Variants in ATP10B observed in about 807,000 individuals in gnomAD.
ATP10B encodes phospholipid-transporting ATPase VB.
In ATP10B, 122 loss-of-function variants were observed where a neutral mutation model predicts 141.2. That is an observed-to-expected ratio of 0.86 (90% CI 0.75 to 1.00). The LOEUF is 1.00. ATP10B is among the 50% of genes least tolerant of loss of function. The probability of loss-of-function intolerance (pLI) is 0.00; values close to 1 mark genes in which losing one functional copy is unlikely to be tolerated. For synonymous variants in ATP10B, 685 were observed against 692.0 expected (o/e 0.99, Z 0.16); for missense variants, 1,876 against 1,825.3 (o/e 1.03, Z -0.51).
the ATP10B span, among the ~76,000 whole-genome samples, chr5:160,866,953 CTG>C: frequency 6.6e-6 from 1 of 152,014 alleles, no homozygotes; most frequent in African/African-American, 2.4e-5. Context: ...GACCAAAAAG[CTG>C]TGTTTCATTA....
At chr5:160,599,049 G>A (rs1172301105) in intron 21 of ATP10B, 79 bp from the exon 22 acceptor site, 7 of 1,376,354 alleles carry the variant, frequency 5.1e-6, no homozygotes, top group South Asian at 3.7e-5. Context: ...ACCTCTGGGA[G>A]CTGCTGGAGT....
intron 2 of ATP10B, among the ~76,000 whole-genome samples, chr5:160,771,987 C>A (rs1769938222): frequency 6.6e-6 from 1 of 152,254 alleles, no homozygotes; most frequent in African/African-American, 2.4e-5. Flanking sequence ...GGAAGCCCCT[C>A]CAAGGGCTTT....
chr5:160,609,909 A>G (rs538398336), intron 18 of ATP10B, among the ~76,000 whole-genome samples: 1 of 152,220 alleles, frequency 6.6e-6, no homozygotes, highest in African/African-American at 2.4e-5. Context: ...CCTCCAATAT[A>G]TGACTAAAGC....
At chr5:160,817,758 G>C (rs891090495) in intron 1 of ATP10B, among the ~76,000 whole-genome samples, 1 of 152,138 alleles carries the variant, frequency 6.6e-6, no homozygotes, top group Non-Finnish European at 1.5e-5. Context: ...ATACTGCAAG[G>C]CTACATTAAC....
intron 9 of ATP10B, among the ~76,000 whole-genome samples, chr5:160,643,195 G>A (rs1760004581): frequency 6.6e-6 from 1 of 152,098 alleles, no homozygotes; most frequent in Non-Finnish European, 1.5e-5. Context: ...GTTTTTCTTT[G>A]ACAATCCCAA....
intron 25 of ATP10B, among the ~76,000 whole-genome samples, chr5:160,568,995 A>G (rs1754716511): frequency 6.6e-6 from 1 of 152,164 alleles, no homozygotes; most frequent in East Asian, 1.9e-4. Context: ...CACAATTTGA[A>G]TTTCTGGGAA....
intron 3 of ATP10B, among the ~76,000 whole-genome samples, chr5:160,709,866 T>G (rs1380237507): frequency 2.7e-3 from 279 of 102,500 alleles, no homozygotes; most frequent in African/African-American, 4.5e-3. Flanking sequence ...CGGTGTTTGG[T>G]TTTTTGTTCT....
intron 1 of ATP10B, among the ~76,000 whole-genome samples, chr5:160,811,787 G>A (rs1773170734): frequency 1.3e-5 from 2 of 152,158 alleles, no homozygotes; most frequent in African/African-American, 2.4e-5. Context: ...CTGAAAGGAA[G>A]GATACAAACC....
chr5:160,667,923 T>TA (rs974342374), intron 7 of ATP10B, among the ~76,000 whole-genome samples: 1 of 151,342 alleles, frequency 6.6e-6, no homozygotes, highest in East Asian at 1.9e-4. Context: ...CCTAGAACTT[T>TA]AAAAAAAACA....
intron 2 of ATP10B, among the ~76,000 whole-genome samples, chr5:160,718,935 C>T (rs141193016): frequency 1.1e-3 from 166 of 152,186 alleles, no homozygotes; most frequent in Non-Finnish European, 2.1e-3. Context: ...GCCACTGTCC[C>T]GGCACATAGC....
chr5:160,608,278 CATAGT>C (rs1368574628), intron 18 of ATP10B, among the ~76,000 whole-genome samples: 1 of 152,164 alleles, frequency 6.6e-6, no homozygotes, highest in Non-Finnish European at 1.5e-5. Flanking sequence ...TTTATGGCTG[CATAGT>C]ATTCCATGGT....
At chr5:160,637,349 C>A (rs971689156) in intron 10 of ATP10B, among the ~76,000 whole-genome samples, 2 of 152,180 alleles carry the variant, frequency 1.3e-5, no homozygotes, top group Non-Finnish European at 2.9e-5. Flanking sequence ...ATTCATCCAT[C>A]CATCCATCTA....
chr5:160,565,544 C>T lies in ATP10B; in HGVS notation c.4295G>A (p.Arg1432Lys), dbSNP rs753248542. 2 of 1,614,110 alleles carry T rather than the reference C, an allele frequency of 1.2e-6. No homozygotes were observed. Among genetic ancestry groups the T allele is most frequent in the Admixed American group, 3.3e-5 (2 of 60,024 alleles). The change falls in exon 26 of 26, where the codon AGG becomes AAG. Residue 1432 changes from arginine to lysine, a missense_variant. Physicochemically the swap from Arg to Lys is conservative, Grantham distance 26 (BLOSUM62 2). Transcript: ENST00000327245. ...CTGTCCTCTTGAGTAGGCCATTATC[C>T]TGTTAGGTCCCAGCAGGTGCTCCCC... is the stretch of plus-strand genomic sequence containing the variant. Reference protein sequence around the residue: ...SSGEHLLGPNRIMAYSRGQTD... With the variant: ...SSGEHLLGPNKIMAYSRGQTD...
chr5:160,743,397 C>T (rs1323059225), intron 2 of ATP10B, among the ~76,000 whole-genome samples: 1 of 152,138 alleles, frequency 6.6e-6, no homozygotes, highest in East Asian at 1.9e-4. Flanking sequence ...GAAGAGAAAA[C>T]CTGTCTGGGT....
chr5:160,774,346 G>T (rs4921332), intron 2 of ATP10B, among the ~76,000 whole-genome samples: 63,897 of 152,010 alleles, frequency 0.42, 13,778 homozygotes, highest in East Asian at 0.6. Context: ...TAAGTGTGCC[G>T]AAGAACCAGG....
intron 2 of ATP10B, among the ~76,000 whole-genome samples, chr5:160,751,325 A>C (rs1331200257): frequency 6.6e-6 from 1 of 152,102 alleles, no homozygotes; most frequent in Non-Finnish European, 1.5e-5. Context: ...TTCACTCCTA[A>C]AAAGGTGTTT....
rs555050041 is a variant in ATP10B, at chr5:160,778,911, G to T, written c.-331+6648C>A. Among the ~76,000 whole-genome samples, 11 of 152,266 alleles carry T rather than the reference G, an allele frequency of 7.2e-5. No homozygotes were observed. In the South Asian group the frequency reaches 2.3e-3, roughly 32 times the overall value. On this transcript the variant is annotated intron_variant, in intron 2 of 25. Coordinates refer to ENST00000327245, the MANE Select transcript of ATP10B (RefSeq NM_025153.3). ...TGTGCTACCCTGAGTGAGTGATTCTGCTTCTCTATGTCTAGTTCATCACTT... is the reference window on the plus strand; with the variant it reads ...TGTGCTACCCTGAGTGAGTGATTCTTCTTCTCTATGTCTAGTTCATCACTT...
At chr5:160,632,794 G>A (rs1581231721) in intron 12 of ATP10B, 2 of 157,388 alleles carry the variant, frequency 1.3e-5, no homozygotes, top group South Asian at 3.8e-4. Flanking sequence ...CCATGGCAAA[G>A]GGGATACAGC....
chr5:160,738,686 AGAAAC>A (rs1767279394), intron 2 of ATP10B, among the ~76,000 whole-genome samples: 1 of 152,166 alleles, frequency 6.6e-6, no homozygotes, highest in African/African-American at 2.4e-5. Context: ...AGACTGAAGA[AGAAAC>A]AACAACAAAA....
Sources: allele counts gnomAD v4.1 joint callset (sites outside exome capture counted in the v4.1 genomes callset), GRCh38; gene constraint gnomAD v4.1.1; transcripts MANE v1.5; gene names NCBI Gene and HGNC (gene_info 2026-07-23, HGNC 2026-07-21).